NTM: variants seen among roughly 807,000 people sequenced by gnomAD.
The protein encoded by NTM is neurotrimin.
NTM carries 13 observed loss-of-function variants against 42.1 expected under a neutral mutation model. The observed-to-expected ratio is 0.31, with a 90% CI of 0.20 to 0.49. The LOEUF (loss-of-function observed/expected upper bound fraction) is 0.49, where lower values mean the gene tolerates loss of function less well. Ranked by LOEUF, NTM falls within the 20% of genes least tolerant of loss-of-function variation. NTM has a pLI of 0.99. For missense variants in NTM, 373 were observed against 452.8 expected, an observed-to-expected ratio of 0.82 and a Z score of 1.60; for synonymous variants, 187 against 179.2, an observed-to-expected ratio of 1.04 and a Z score of -0.35.
chr11:131,541,756 C>T (rs1349168855), intron 1 of NTM, among the ~76,000 whole-genome samples: 1 of 152,168 alleles, frequency 6.6e-6, no homozygotes, highest in African/African-American at 2.4e-5. Flanking sequence ...TAAATACCTA[C>T]CTGCAGGGGT....
chr11:131,829,278 G>A (rs2042517211), intron 1 of NTM, among the ~76,000 whole-genome samples: 1 of 152,076 alleles, frequency 6.6e-6, no homozygotes, highest in East Asian at 1.9e-4. Flanking sequence ...GGGAACAATT[G>A]ATCCCATTAC....
intron 4 of NTM, among the ~76,000 whole-genome samples, chr11:132,291,874 G>A (rs1048284034): frequency 1.3e-5 from 2 of 152,146 alleles, no homozygotes; most frequent in Admixed American, 6.5e-5. Flanking sequence ...GGGTAGGTTC[G>A]GTGGAGAGGT....
chr11:131,843,103 A>C (rs2044478217), intron 1 of NTM, among the ~76,000 whole-genome samples: 1 of 152,178 alleles, frequency 6.6e-6, no homozygotes, highest in Non-Finnish European at 1.5e-5. Context: ...ATGAATAATA[A>C]AAAAGTTGCT....
intron 2 of NTM, among the ~76,000 whole-genome samples, chr11:132,043,956 C>A (rs2077537277): frequency 1.0e-5 from 1 of 98,998 alleles, no homozygotes; most frequent in Non-Finnish European, 2.0e-5. Context: ...CAGACACCAA[C>A]TATGTGTGTG....
At chr11:132,105,768 C>A (rs1454885388) in intron 2 of NTM, among the ~76,000 whole-genome samples, 1 of 152,344 alleles carries the variant, frequency 6.6e-6, no homozygotes, top group Middle Eastern at 3.4e-3. Flanking sequence ...TGCAGCCTTG[C>A]TGTCTGCTTC....
intron 1 of NTM, among the ~76,000 whole-genome samples, chr11:131,454,055 A>G (rs1288718949): frequency 6.6e-6 from 1 of 152,234 alleles, no homozygotes; most frequent in Non-Finnish European, 1.5e-5. Context: ...GATAGAGCTC[A>G]GCTCACCTGT....
intron 1 of NTM, among the ~76,000 whole-genome samples, chr11:131,501,759 T>C (rs1288787085): frequency 2.0e-5 from 3 of 152,012 alleles, no homozygotes; most frequent in African/African-American, 4.8e-5. Flanking sequence ...TGGAGGGAGT[T>C]AGAGAAAGCA....
At chr11:132,199,459 G>C (rs11824008) in intron 3 of NTM, among the ~76,000 whole-genome samples, 2 of 152,136 alleles carry the variant, frequency 1.3e-5, no homozygotes, top group Non-Finnish European at 2.9e-5. Context: ...GTTCAGTGGC[G>C]TACATCTTTT....
chr11:131,697,387 T>C (rs1269764639), intron 1 of NTM, among the ~76,000 whole-genome samples: 2 of 152,242 alleles, frequency 1.3e-5, no homozygotes, highest in Admixed American at 1.3e-4. Context: ...TTGTTTTACA[T>C]ATTGGCTGAT....
intron 3 of NTM, among the ~76,000 whole-genome samples, chr11:132,167,971 G>C (rs1198055394): frequency 6.6e-6 from 1 of 152,216 alleles, no homozygotes; most frequent in African/African-American, 2.4e-5. Flanking sequence ...TTGCTGTAGA[G>C]AGTGCAGTGT....
At chr11:131,961,114 G>A (rs988122250) in intron 2 of NTM, among the ~76,000 whole-genome samples, 1 of 152,230 alleles carries the variant, frequency 6.6e-6, no homozygotes, top group African/African-American at 2.4e-5. Context: ...CAAAGGGTGG[G>A]CCAACTATGC....
intron 2 of NTM, among the ~76,000 whole-genome samples, chr11:132,060,122 C>T (rs2080405416): frequency 1.3e-5 from 2 of 152,224 alleles, no homozygotes; most frequent in Admixed American, 6.5e-5. Context: ...AGAACTGCCT[C>T]TTCAGGCCAA....
intron 1 of NTM, among the ~76,000 whole-genome samples, chr11:131,826,709 C>A (rs2042177112): frequency 1.3e-5 from 2 of 151,904 alleles, no homozygotes; most frequent in Non-Finnish European, 1.5e-5. Flanking sequence ...TGAGAAGGGA[C>A]AAGAACCAGG....
At chr11:131,458,813 G>A (rs80029754) in intron 1 of NTM, among the ~76,000 whole-genome samples, 9,254 of 152,292 alleles carry the variant, frequency 0.061, 660 homozygotes, top group East Asian at 0.21. Context: ...CAAGTCACCT[G>A]GAGGGCTTAT....
intron 1 of NTM, among the ~76,000 whole-genome samples, chr11:131,374,332 T>G (rs1941663884): frequency 6.6e-6 from 1 of 152,340 alleles, no homozygotes; most frequent in East Asian, 1.9e-4. Context: ...CGCTCAAGCG[T>G]GCCTGGAGAG....
chr11:132,333,221 C>T (rs1466003335), intron 8 of NTM, among the ~76,000 whole-genome samples: 1 of 152,116 alleles, frequency 6.6e-6, no homozygotes, highest in Non-Finnish European at 1.5e-5. Context: ...CCTGCTGGGC[C>T]ATATGGACTC....
At chr11:131,929,326 G>GGTGA (rs1333333144) in intron 2 of NTM, among the ~76,000 whole-genome samples, 1 of 152,156 alleles carries the variant, frequency 6.6e-6, no homozygotes, top group African/African-American at 2.4e-5. Flanking sequence ...GAACCAACGG[G>GGTGA]GGGGCACATG....
intron 2 of NTM, among the ~76,000 whole-genome samples, chr11:131,941,909 A>T (rs1292704485): frequency 1.3e-5 from 2 of 152,114 alleles, no homozygotes; most frequent in African/African-American, 4.8e-5. Flanking sequence ...AATCATCCAT[A>T]TTAAAGAACA....
At chr11:131,767,070 T>G in intron 1 of NTM, 2 of 710,912 alleles carry the variant, frequency 2.8e-6, no homozygotes, top group South Asian at 6.3e-5. Context: ...TCTCTCTGTG[T>G]GTGTCTGCTT....
Sources: allele counts gnomAD v4.1 joint callset (sites outside exome capture counted in the v4.1 genomes callset), GRCh38; gene constraint gnomAD v4.1.1; transcripts MANE v1.5; gene names NCBI Gene and HGNC (gene_info 2026-07-23, HGNC 2026-07-21).